The following ADAMTS19 variants were observed in gnomAD, a reference collection of about 807,000 sequenced individuals.
ADAMTS19 encodes the protein ADAM metallopeptidase with thrombospondin type 1 motif 19.
ADAMTS19 carries 93 observed loss-of-function variants against 153.3 expected under a neutral mutation model. The observed-to-expected ratio is 0.61, with a 90% confidence interval of 0.51 to 0.72. ADAMTS19 has a LOEUF of 0.72. ADAMTS19 is among the 30% of genes least tolerant of loss of function. ADAMTS19 has a pLI of 0.00. For missense variants in ADAMTS19, 1,482 were observed against 1,552.1 expected (o/e 0.95, Z 0.76); for synonymous variants, 600 against 556.6 (o/e 1.08, Z -1.10).
intron 8 of ADAMTS19, among the ~76,000 whole-genome samples, chr5:129,606,759 C>T (rs914312460): frequency 6.6e-6 from 1 of 152,068 alleles, no homozygotes; most frequent in Non-Finnish European, 1.5e-5. Flanking sequence ...AAACATCATG[C>T]CTTTATTCAT....
chr5:129,500,861 T>C (rs1386119267), intron 2 of ADAMTS19, among the ~76,000 whole-genome samples: 3 of 152,052 alleles, frequency 2.0e-5, no homozygotes, highest in African/African-American at 7.2e-5. Flanking sequence ...TTATGATATA[T>C]TTAGAGGATA....
chr5:129,478,934 A>G (rs1278249078), intron 2 of ADAMTS19, among the ~76,000 whole-genome samples: 1 of 152,208 alleles, frequency 6.6e-6, no homozygotes, highest in African/African-American at 2.4e-5. Context: ...AAAAACAAAG[A>G]GGACCAGAAT....
rs1756042854 is a variant in ADAMTS19 at position 129,704,283 on chromosome 5, A to T, written c.3204A>T (p.Arg1068Ser). The T allele has an allele frequency of 1.2e-6, 2 of 1,614,034 alleles. No homozygotes were observed. Among genetic ancestry groups the T allele is most frequent in the Admixed American group, 3.3e-5 (2 of 60,004 alleles). The change falls in exon 21 of 23, where the codon AGA becomes AGT. Residue 1068 changes from arginine (R) to serine (S), a missense_variant. Around this residue, in one of 2 missense-constraint regions of ADAMTS19, gnomAD observed 616 missense variants for 724.4 expected, o/e 0.85. Transcript: ENST00000274487. ...AAGGCATACGTCATCGGACCGTTAG[A>T]TGTACCAACCCAAGAAAGAAGTGTG... The part of the protein sequence containing the change: ...CGKGIRHRTV[R>S]CTNPRKKCVL...
chr5:129,586,057 T>C (rs1296186097), intron 7 of ADAMTS19, among the ~76,000 whole-genome samples: 2 of 152,158 alleles, frequency 1.3e-5, no homozygotes, highest in African/African-American at 4.8e-5. Context: ...AAATTGAGTG[T>C]AAGGTACAGA....
chr5:129,596,788 CAAG>C, intron 8 of ADAMTS19, 124 bp downstream of exon 8: 3 of 655,808 alleles, frequency 4.6e-6, no homozygotes, highest in Non-Finnish European at 7.8e-6. Flanking sequence ...ACTAGGGAGA[CAAG>C]AAGGGGTGAA....
At chr5:129,569,974 A>G (rs751406796) in intron 7 of ADAMTS19, among the ~76,000 whole-genome samples, 2 of 152,170 alleles carry the variant, frequency 1.3e-5, no homozygotes, top group South Asian at 4.1e-4. Context: ...TAGTAAAAAT[A>G]GGAGCATAAA....
chr5:129,712,393 ATAGAT>A (rs1756524380), intron 21 of ADAMTS19, among the ~76,000 whole-genome samples: 1 of 152,192 alleles, frequency 6.6e-6, no homozygotes, highest in Non-Finnish European at 1.5e-5. Context: ...TTCACAACAA[ATAGAT>A]TAGTCAGTAA....
chr5:129,506,096 T>C (rs1017754051), intron 2 of ADAMTS19, among the ~76,000 whole-genome samples: 12 of 152,154 alleles, frequency 7.9e-5, no homozygotes, highest in African/African-American at 2.9e-4. Flanking sequence ...TAAAATCACA[T>C]TGCAGATAAA....
chr5:129,608,857 G>GA lies in ADAMTS19; in HGVS notation c.1479-11750dup, dbSNP rs1308665628. Among the ~76,000 whole-genome samples the GA allele has an allele frequency of 1.4e-3, 106 of 74,326 alleles. 1 individual carries two copies. Among genetic ancestry groups the GA allele is most frequent in the Admixed American group, 2.3e-3 (17 of 7,500 alleles). 48.8% of individuals were successfully genotyped at this position (74,326 alleles called of 152,430 possible). On this transcript the variant is annotated intron_variant, in intron 8 of 22. Coordinates refer to ENST00000274487, the MANE Select transcript of ADAMTS19 (RefSeq NM_133638.6). ...GCAAGACTCTGTCTCAAAAAAAAAA[G>GA]AAAAAAAAAAAGAGAAGAAAAGAAC... is the stretch of plus-strand genomic sequence containing the variant.
chr5:129,486,796 G>A (rs1204775417), intron 2 of ADAMTS19, among the ~76,000 whole-genome samples: 2 of 152,060 alleles, frequency 1.3e-5, no homozygotes, highest in African/African-American at 4.8e-5. Flanking sequence ...AAAATCAGAA[G>A]CAGGAGGATA....
intron 2 of ADAMTS19, among the ~76,000 whole-genome samples, chr5:129,485,490 A>T (rs1452964063): frequency 6.6e-6 from 1 of 152,098 alleles, no homozygotes; most frequent in Non-Finnish European, 1.5e-5. Flanking sequence ...AATCAATGAA[A>T]TTTTTTTAAC....
At chr5:129,662,392 T>C (rs1276363855) in intron 15 of ADAMTS19, among the ~76,000 whole-genome samples, 1 of 152,206 alleles carries the variant, frequency 6.6e-6, no homozygotes, top group Admixed American at 6.5e-5. Flanking sequence ...TTACTGAAAG[T>C]ATTTAACTCC....
At position 129,528,549 on chromosome 5, in the gene ADAMTS19, A is replaced by G; in HGVS notation, c.1200A>G (p.Glu400=). The change falls in exon 6 of 23, where the codon GAA becomes GAG. Residue 400 remains glutamate (E), a synonymous_variant. Coordinates refer to ENST00000274487, the MANE Select transcript of ADAMTS19 (RefSeq NM_133638.6). The part of the protein sequence containing the change: ...PPELYIGHHG[E]KMLESFCKWQ... ...AACTATATATTGGGCATCATGGAGA[A>G]AAAATGCTAGAGAGTTTTTGTAAGT... 1 of 1,602,118 alleles carries G rather than the reference A, an allele frequency of 6.2e-7. No individual in the cohort carries two copies. The highest frequency in any genetic ancestry group is 8.5e-7 in the Non-Finnish European group (1 of 1,175,070).
At position 129,658,347 on chromosome 5, in the gene ADAMTS19, A is replaced by AGAGAGAGAGAGAGAGAGAG. The variant is rs1554103336; in HGVS notation, c.2305-270_2305-269insGAGAGAGAGAGAGAGAGAG. On this transcript the variant is annotated intron_variant, in intron 14 of 22. Coordinates refer to ENST00000274487, the MANE Select transcript of ADAMTS19 (RefSeq NM_133638.6). ...AAAGAAAGAAAGAAAGAAAGAAAGA[A>AGAGAGAGAGAGAGAGAGAG]AGAAAGAAAGAAAGAAAGAAAGAGA... Among the ~76,000 whole-genome samples the AGAGAGAGAGAGAGAGAGAG allele has an allele frequency of 1.1e-3, 122 of 116,058 alleles. 1 individual carries two copies. The highest frequency in any genetic ancestry group is 4.1e-3 in the African/African-American group (112 of 27,210). The allele number at this position is 116,058 out of a possible 152,430, so 76.1% of individuals were successfully genotyped here.
chr5:129,460,547 G>T, intron 1 of ADAMTS19, 65 bp downstream of exon 1: 1 of 1,590,028 alleles, frequency 6.3e-7, no homozygotes, highest in South Asian at 1.1e-5. Context: ...CGAACGTACG[G>T]GTCGGCAGGG....
At chr5:129,569,585 T>C (rs1753827370) in intron 7 of ADAMTS19, among the ~76,000 whole-genome samples, 1 of 152,074 alleles carries the variant, frequency 6.6e-6, no homozygotes, top group Non-Finnish European at 1.5e-5. Context: ...AAGCAAACCT[T>C]TACCAATTTA....
At chr5:129,654,724 A>G (rs1470015417) in intron 14 of ADAMTS19, among the ~76,000 whole-genome samples, 2 of 152,136 alleles carry the variant, frequency 1.3e-5, no homozygotes, top group Non-Finnish European at 2.9e-5. Flanking sequence ...AGCACTTTGG[A>G]CATTTTATGT....
At chr5:129,513,068 G>T (rs538711867) in intron 3 of ADAMTS19, among the ~76,000 whole-genome samples, 2 of 151,758 alleles carry the variant, frequency 1.3e-5, no homozygotes, top group African/African-American at 2.4e-5. Flanking sequence ...ATGTCATCAA[G>T]CATCTCAGAT....
intron 2 of ADAMTS19, among the ~76,000 whole-genome samples, chr5:129,507,522 AACTT>A (rs756171526): frequency 2.0e-5 from 3 of 152,142 alleles, no homozygotes; most frequent in Non-Finnish European, 2.9e-5. Flanking sequence ...AAAATGAAAG[AACTT>A]ACTTGAAGTT....
Sources: gnomAD v4.1 joint callset for allele counts (sites outside exome capture counted in the v4.1 genomes callset) on GRCh38, gnomAD v4.1.1 for gene constraint, gnomAD v4.1.1 regional missense constraint, MANE v1.5 for transcripts, NCBI Gene and HGNC (gene_info 2026-07-23, HGNC 2026-07-21) for gene names.